USH2A: variants seen among roughly 807,000 people sequenced by gnomAD.
USH2A encodes Usher syndrome 2A (autosomal recessive, mild).
In USH2A, 443 loss-of-function variants were observed where a neutral mutation model predicts 538.9. The observed-to-expected ratio is 0.82, with a 90% CI of 0.76 to 0.89. The LOEUF (loss-of-function observed/expected upper bound fraction) is 0.89. Ranked by LOEUF, USH2A falls within the 40% of genes least tolerant of loss-of-function variation. The pLI is 0.00. For synonymous variants in USH2A, 2,413 were observed against 2,273.5 expected (o/e 1.06, Z -1.75); for missense variants, 6,633 against 6,324.8 (o/e 1.05, Z -1.65).
intron 58 of USH2A, among the ~76,000 whole-genome samples, chr1:215,744,812 G>A (rs2102729383): frequency 6.6e-6 from 1 of 152,298 alleles, no homozygotes; most frequent in Non-Finnish European, 1.5e-5. Context: ...GTGCTAGATT[G>A]CGTTAAATTT....
chr1:216,356,082 T>C (rs565693813), intron 4 of USH2A, among the ~76,000 whole-genome samples: 1 of 152,272 alleles, frequency 6.6e-6, no homozygotes, highest in East Asian at 1.9e-4. Context: ...CACTTGGCTG[T>C]TAAGAAGCAG....
intron 11 of USH2A, among the ~76,000 whole-genome samples, chr1:216,257,228 G>GAAC (rs969130758): frequency 6.6e-6 from 1 of 151,674 alleles, no homozygotes; most frequent in Non-Finnish European, 1.5e-5. Flanking sequence ...TCTGTGTGAT[G>GAAC]AACTCTTTCA....
intron 37 of USH2A, among the ~76,000 whole-genome samples, chr1:215,955,089 T>A (rs1489153764): frequency 1.3e-5 from 2 of 152,186 alleles, no homozygotes; most frequent in Admixed American, 6.5e-5. Context: ...TAGTTATATA[T>A]ACTTTTACTT....
intron 21 of USH2A, among the ~76,000 whole-genome samples, chr1:216,146,433 C>T (rs1276920425): frequency 2.6e-5 from 4 of 152,176 alleles, no homozygotes; most frequent in Admixed American, 1.3e-4. Flanking sequence ...GGACACCTCT[C>T]TGATTATACA....
At chr1:216,197,813 T>G (rs1200708658) in intron 18 of USH2A, among the ~76,000 whole-genome samples, 1 of 152,194 alleles carries the variant, frequency 6.6e-6, no homozygotes, top group African/African-American at 2.4e-5. Flanking sequence ...GCCAACTGCT[T>G]ACAAGCACAC....
chr1:215,644,789 G>C (rs935079958), intron 67 of USH2A, among the ~76,000 whole-genome samples: 3 of 152,168 alleles, frequency 2.0e-5, no homozygotes, highest in Non-Finnish European at 4.4e-5. Context: ...GTGGAAGAGA[G>C]GATATGGGCA....
At chr1:216,199,533 A>G in intron 17 of USH2A, 94 bp downstream of exon 17, 1 of 1,561,472 alleles carries the variant, frequency 6.4e-7, no homozygotes. Flanking sequence ...AGTTATAAAA[A>G]GGAATACAAC....
At chr1:215,806,050 T>C (rs1035544288) in intron 49 of USH2A, among the ~76,000 whole-genome samples, 2 of 143,850 alleles carry the variant, frequency 1.4e-5, no homozygotes, top group African/African-American at 5.2e-5. Flanking sequence ...GCTGCTCTCA[T>C]CTATCCATAA....
chr1:215,803,528 T>C (rs574639383), intron 49 of USH2A, among the ~76,000 whole-genome samples: 20 of 152,278 alleles, frequency 1.3e-4, no homozygotes, highest in African/African-American at 4.8e-4. Flanking sequence ...GAACTCCCAT[T>C]CACAATTGCT....
rs532139808 is a variant in USH2A at position 216,279,959 on chromosome 1, A to G, written c.1971+9321T>C. 3.3e-5 allele frequency among the ~76,000 whole-genome samples: 5 copies of G among 152,006 alleles called. No homozygotes were observed. In the East Asian group the frequency reaches 9.7e-4, roughly 29 times the overall value. On this transcript the variant is annotated intron_variant, in intron 11 of 71. Coordinates refer to ENST00000307340, the MANE Select transcript of USH2A (RefSeq NM_206933.4). ...ATATGTGGAGGAGTGGGGTCAGTGG[A>G]GGGAAAGGATGGAGACAAGCGGCTC...
chr1:215,759,134 TA>T (rs1660900280), intron 57 of USH2A, among the ~76,000 whole-genome samples: 2 of 152,286 alleles, frequency 1.3e-5, no homozygotes, highest in South Asian at 4.1e-4. Flanking sequence ...TTCCTTACAA[TA>T]AAATGAAATT....
chr1:216,315,625 G>GA (rs761544765), intron 9 of USH2A, among the ~76,000 whole-genome samples: 3 of 151,824 alleles, frequency 2.0e-5, no homozygotes, highest in Admixed American at 1.3e-4. Flanking sequence ...GATGTAAAAA[G>GA]AAAAAAACAC....
chr1:216,055,034 C>T (rs1043956521), intron 30 of USH2A, among the ~76,000 whole-genome samples: 10 of 152,160 alleles, frequency 6.6e-5, no homozygotes, highest in African/African-American at 1.9e-4. Flanking sequence ...TCCACGTTAG[C>T]AAAGGCATTT....
chr1:216,071,666 A>G (rs75274845), intron 29 of USH2A, among the ~76,000 whole-genome samples: 8,492 of 152,246 alleles, frequency 0.056, 329 homozygotes, highest in Middle Eastern at 0.12. Flanking sequence ...CAAAATGGGG[A>G]CTATTAAGCT....
At chr1:216,417,255 G>C (rs1010657046) in intron 3 of USH2A, among the ~76,000 whole-genome samples, 4 of 145,780 alleles carry the variant, frequency 2.7e-5, no homozygotes, top group African/African-American at 1.1e-4. Context: ...CTCATTATCT[G>C]CTTCAAGATT....
At position 216,074,324 on chromosome 1, in the gene USH2A, TTC is replaced by T. The variant is rs35866358; in HGVS notation, c.5573-1026_5573-1025del. 0.025 allele frequency among the ~76,000 whole-genome samples: 3,780 copies of T among 149,082 alleles called. 159 individuals are homozygous for T. Among genetic ancestry groups the T allele is most frequent in the African/African-American group, 0.086 (3,491 of 40,616 alleles). The stretch of plus-strand genomic sequence containing the variant: ...GTTTGAGATTGCTGTAGCGTGCATG[TTC>T]TCTCTCTCTCTCTCTCTCTCTCTCC... On this transcript the variant is annotated intron_variant, in intron 27 of 71. Transcript: ENST00000307340.
intron 38 of USH2A, among the ~76,000 whole-genome samples, chr1:215,917,498 C>G (rs1215050433): frequency 1.3e-5 from 2 of 151,750 alleles, no homozygotes; most frequent in Non-Finnish European, 2.9e-5. Context: ...AAATAATTCA[C>G]TGAAGAATTT....
chr1:216,374,761 T>C (rs1337129839), intron 3 of USH2A, among the ~76,000 whole-genome samples: 1 of 152,168 alleles, frequency 6.6e-6, no homozygotes, highest in Non-Finnish European at 1.5e-5. Context: ...ATAGACCCCA[T>C]ACAGCTGCAT....
intron 47 of USH2A, among the ~76,000 whole-genome samples, chr1:215,831,311 C>A (rs1296938207): frequency 3.3e-5 from 5 of 152,078 alleles, no homozygotes; most frequent in Non-Finnish European, 5.9e-5. Flanking sequence ...AACAAGCAGG[C>A]AGAAAATCAG....
Sources: allele counts gnomAD v4.1 joint callset (sites outside exome capture counted in the v4.1 genomes callset), GRCh38; gene constraint gnomAD v4.1.1; transcripts MANE v1.5; gene names NCBI Gene and HGNC (gene_info 2026-07-23, HGNC 2026-07-21).